PPFIA2: variants seen among roughly 807,000 people sequenced by gnomAD.
The protein encoded by PPFIA2 is PPFI scaffold protein A2, also known as liprin-alpha-2.
Under a neutral mutation model 175.5 loss-of-function variants are expected in PPFIA2, and 46 were observed. That is an observed-to-expected ratio of 0.26 (90% confidence interval 0.21 to 0.34). The LOEUF (loss-of-function observed/expected upper bound fraction) is 0.34. Among genes scored for constraint, PPFIA2 ranks in the 10% least tolerant of loss-of-function variants. The pLI, the probability that PPFIA2 is intolerant of heterozygous loss-of-function variation, is 1.00. For missense variants in PPFIA2, 1,179 were observed against 1,506.1 expected (o/e 0.78, Z 3.60); for synonymous variants, 568 against 511.4 (o/e 1.11, Z -1.49).
rs536383368 is a variant in PPFIA2 at position 81,482,115 on chromosome 12, C to T, written c.304-24249G>A. Among the ~76,000 whole-genome samples, 596 of 151,960 alleles carry T rather than the reference C, an allele frequency of 3.9e-3. 3 individuals are homozygous for T. The highest frequency in any genetic ancestry group is 0.013 in the African/African-American group (540 of 41,444). ...CACTTCTCAAAAGAAGACATTTATG[C>T]GGCCAACAAACATGAAAAAAAAAGC... On this transcript the variant is annotated intron_variant, in intron 4 of 32. Transcript: ENST00000549396.
intron 4 of PPFIA2, among the ~76,000 whole-genome samples, chr12:81,544,689 T>G (rs945035105): frequency 6.6e-6 from 1 of 152,104 alleles, no homozygotes; most frequent in Non-Finnish European, 1.5e-5. Context: ...ACTGTTGAAG[T>G]ATTTGAATAT....
intron 9 of PPFIA2, among the ~76,000 whole-genome samples, chr12:81,379,986 C>T (rs999423707): frequency 2.0e-5 from 3 of 152,042 alleles, no homozygotes; most frequent in Admixed American, 2.0e-4. Flanking sequence ...TCAATTATTA[C>T]AACATACATT....
At chr12:81,457,420 C>T (rs540508030) in intron 5 of PPFIA2, among the ~76,000 whole-genome samples, 1 of 152,072 alleles carries the variant, frequency 6.6e-6, no homozygotes, top group East Asian at 1.9e-4. Flanking sequence ...CATTTCCAAC[C>T]TCTGAGGGAT....
At chr12:81,392,313 G>T (rs1015242302) in intron 8 of PPFIA2, among the ~76,000 whole-genome samples, 11 of 151,812 alleles carry the variant, frequency 7.2e-5, no homozygotes, top group African/African-American at 2.7e-4. Flanking sequence ...GCAGATTTGT[G>T]GTTAGGATGG....
chr12:81,460,846 C>T (rs2054402023), intron 4 of PPFIA2, among the ~76,000 whole-genome samples: 1 of 152,050 alleles, frequency 6.6e-6, no homozygotes, highest in Admixed American at 6.6e-5. Flanking sequence ...TAAAATCTCA[C>T]TGAGGCCTAG....
chr12:81,292,885 T>G (rs972349623), intron 24 of PPFIA2: 1 of 152,082 alleles, frequency 6.6e-6, no homozygotes, highest in African/African-American at 2.4e-5. Context: ...TTAAAAATTA[T>G]ATATTTTTCC....
At chr12:81,382,665 G>A (rs2037998312) in intron 9 of PPFIA2, among the ~76,000 whole-genome samples, 1 of 152,152 alleles carries the variant, frequency 6.6e-6, no homozygotes, top group Admixed American at 6.6e-5. Flanking sequence ...TTGTTGGCCT[G>A]AGCAACAATA....
intron 3 of PPFIA2, among the ~76,000 whole-genome samples, chr12:81,685,665 T>C (rs2074333682): frequency 6.6e-6 from 1 of 151,992 alleles, no homozygotes; most frequent in Non-Finnish European, 1.5e-5. Context: ...AGCACATAAA[T>C]CTGCAGAACA....
chr12:81,540,166 C>T (rs1266859715), intron 4 of PPFIA2, among the ~76,000 whole-genome samples: 2 of 151,920 alleles, frequency 1.3e-5, no homozygotes, highest in East Asian at 1.9e-4. Flanking sequence ...TTCTCTTGCC[C>T]TATCAAAGCA....
chr12:81,468,053 T>C (rs1189837976), intron 4 of PPFIA2, among the ~76,000 whole-genome samples: 1 of 152,178 alleles, frequency 6.6e-6, no homozygotes, highest in Non-Finnish European at 1.5e-5. Context: ...CCAAGTTTCC[T>C]TTTCCTTTGA....
At chr12:81,529,588 A>G (rs1383352605) in intron 4 of PPFIA2, among the ~76,000 whole-genome samples, 6 of 150,852 alleles carry the variant, frequency 4.0e-5, no homozygotes, top group Non-Finnish European at 5.9e-5. Context: ...AGAGAGATTC[A>G]TATACCAGGA....
At chr12:81,620,197 C>A (rs2061899885) in intron 4 of PPFIA2, among the ~76,000 whole-genome samples, 2 of 145,308 alleles carry the variant, frequency 1.4e-5, no homozygotes, top group South Asian at 2.2e-4. Flanking sequence ...AAAGGCAATT[C>A]TAGTAGAGAT....
chr12:81,667,489 C>A (rs2070569742), intron 4 of PPFIA2, among the ~76,000 whole-genome samples: 1 of 152,028 alleles, frequency 6.6e-6, no homozygotes, highest in Non-Finnish European at 1.5e-5. Context: ...GACTATTCCT[C>A]CTGTTACTCC....
Position 81,347,752 on chromosome 12 carries a change from T to C in PPFIA2, c.2013A>G (p.Lys671=), listed in dbSNP as rs2140627735. 3 of 1,613,694 alleles carry C rather than the reference T, an allele frequency of 1.9e-6. No individual in the cohort carries two copies. Among genetic ancestry groups the C allele is most frequent in the Non-Finnish European group, 2.5e-6 (3 of 1,179,770 alleles). The change falls in exon 18 of 33, where the codon AAA becomes AAG. Residue 671 remains lysine (K), a synonymous_variant. Coordinates refer to ENST00000549396, the MANE Select transcript of PPFIA2 (RefSeq NM_003625.5). ...CTTCAGCACGCAACTCTGTAGATTC[T>C]TTTTCTTCCTGAATTAGCCTGAAAG... ...NKEIRLIQEE[K]ESTELRAEEI... is the part of the protein sequence containing the mutation.
intron 4 of PPFIA2, among the ~76,000 whole-genome samples, chr12:81,643,220 G>A (rs190018485): frequency 6.6e-6 from 1 of 151,700 alleles, no homozygotes; most frequent in African/African-American, 2.4e-5. Flanking sequence ...AAGGGATTAT[G>A]ATTTGAAACT....
chr12:81,269,147 T>A (rs1473314282), intron 28 of PPFIA2, among the ~76,000 whole-genome samples: 3 of 152,194 alleles, frequency 2.0e-5, no homozygotes, highest in African/African-American at 7.2e-5. Context: ...TTTTATCATT[T>A]ATTTTCTTCA....
chr12:81,619,090 T>C (rs1216615266), intron 4 of PPFIA2, among the ~76,000 whole-genome samples: 1 of 152,214 alleles, frequency 6.6e-6, no homozygotes, highest in Admixed American at 6.5e-5. Flanking sequence ...AAATCATCAT[T>C]CAGTAACGGC....
chr12:81,603,176 C>T (rs2059960448), intron 4 of PPFIA2, among the ~76,000 whole-genome samples: 1 of 151,788 alleles, frequency 6.6e-6, no homozygotes, highest in East Asian at 1.9e-4. Context: ...CCTCAATCTC[C>T]TCACTTATGA....
intron 4 of PPFIA2, among the ~76,000 whole-genome samples, chr12:81,639,149 T>A (rs984354406): frequency 3.9e-5 from 6 of 152,220 alleles, no homozygotes; most frequent in African/African-American, 1.4e-4. Flanking sequence ...TGAAAGCCAG[T>A]AATCTTGTTC....
Sources: gnomAD v4.1 joint callset for allele counts (sites outside exome capture counted in the v4.1 genomes callset) on GRCh38, gnomAD v4.1.1 for gene constraint, MANE v1.5 for transcripts, NCBI Gene and HGNC (gene_info 2026-07-23, HGNC 2026-07-21) for gene names.